Variants in CCDC172 observed in about 807,000 individuals in gnomAD.
The protein encoded by CCDC172 is coiled-coil domain containing 172, also known as coiled-coil domain-containing protein 172.
CCDC172 carries 30 observed loss-of-function variants against 38.0 expected under a neutral mutation model. The ratio of observed to expected loss-of-function variants is 0.79; its 90% confidence interval spans 0.59 to 1.07. The LOEUF (loss-of-function observed/expected upper bound fraction) is 1.07. CCDC172 is among the 50% of genes least tolerant of loss of function. The probability of loss-of-function intolerance (pLI) is 0.00; values close to 1 mark genes in which losing one functional copy is unlikely to be tolerated. For missense variants in CCDC172, 297 were observed against 290.1 expected (o/e 1.02, Z -0.17); for synonymous variants, 78 against 88.3 (o/e 0.88, Z 0.66).
chr10:116,374,211 A>T (rs2134971772), intron 7 of CCDC172, among the ~76,000 whole-genome samples: 1 of 152,244 alleles, frequency 6.6e-6, no homozygotes, highest in African/African-American at 2.4e-5. Flanking sequence ...GATGAGCCCA[A>T]GTCACATGAG....
intron 7 of CCDC172, among the ~76,000 whole-genome samples, chr10:116,365,252 C>T (rs1298737957): frequency 6.6e-6 from 1 of 152,130 alleles, no homozygotes; most frequent in African/African-American, 2.4e-5. Flanking sequence ...TGATTATATG[C>T]TAAATAGGGA....
intron 5 of CCDC172, among the ~76,000 whole-genome samples, chr10:116,356,785 T>C (rs1006419856): frequency 7.2e-5 from 11 of 152,208 alleles, no homozygotes; most frequent in Non-Finnish European, 1.6e-4. Context: ...TCATTTTAAA[T>C]GTGTTTTAAT....
intron 7 of CCDC172, among the ~76,000 whole-genome samples, chr10:116,373,130 A>G (rs1254260166): frequency 1.3e-5 from 2 of 152,172 alleles, no homozygotes; most frequent in African/African-American, 2.4e-5. Flanking sequence ...ATGGTGGCTC[A>G]TACCTATAAT....
At chr10:116,331,975 A>G (rs1844668583) in intron 3 of CCDC172, among the ~76,000 whole-genome samples, 1 of 152,160 alleles carries the variant, frequency 6.6e-6, no homozygotes, top group South Asian at 2.1e-4. Flanking sequence ...TATACACTGC[A>G]TCTCTAGGGC....
chr10:116,332,890 G>A (rs561198607), intron 3 of CCDC172, among the ~76,000 whole-genome samples: 12 of 152,002 alleles, frequency 7.9e-5, no homozygotes, highest in African/African-American at 2.9e-4. Context: ...GGAAAACTTT[G>A]TATCCTTTAC....
intron 7 of CCDC172, among the ~76,000 whole-genome samples, chr10:116,375,126 G>A (rs1845230049): frequency 6.6e-6 from 1 of 152,076 alleles, no homozygotes; most frequent in Non-Finnish European, 1.5e-5. Context: ...ATAGTCTGTA[G>A]TTTTGTGAAT....
At chr10:116,371,860 T>C (rs1278481058) in intron 7 of CCDC172, among the ~76,000 whole-genome samples, 2 of 152,050 alleles carry the variant, frequency 1.3e-5, no homozygotes, top group African/African-American at 4.8e-5. Context: ...CCCCAAAAGA[T>C]AAGAGAGCCA....
At chr10:116,347,859 A>G (rs1345813333) in intron 5 of CCDC172, among the ~76,000 whole-genome samples, 2 of 152,118 alleles carry the variant, frequency 1.3e-5, no homozygotes, top group East Asian at 3.9e-4. Flanking sequence ...CCCTCCCACT[A>G]CATCTCCTTT....
chr10:116,325,156 G>A, intron 2 of CCDC172, 66 bp downstream of exon 2: 1 of 1,563,462 alleles, frequency 6.4e-7, no homozygotes, highest in South Asian at 1.1e-5. Flanking sequence ...TGGAGCAGAA[G>A]GAAATCCCGA....
intron 7 of CCDC172, among the ~76,000 whole-genome samples, chr10:116,365,710 A>G (rs1327105786): frequency 6.6e-6 from 1 of 152,204 alleles, no homozygotes; most frequent in South Asian, 2.1e-4. Flanking sequence ...GAACTTCCAT[A>G]TACATATGTG....
At chr10:116,355,865 T>TG (rs573546775) in intron 5 of CCDC172, among the ~76,000 whole-genome samples, 342 of 152,082 alleles carry the variant, frequency 2.2e-3, no homozygotes, top group Non-Finnish European at 4.0e-3. Flanking sequence ...GTTTCTTTGG[T>TG]GGGGGGAGTG....
chr10:116,356,377 GGGGA>G (rs781639120), intron 5 of CCDC172, among the ~76,000 whole-genome samples: 17 of 131,036 alleles, frequency 1.3e-4, no homozygotes, highest in Middle Eastern at 3.7e-3. Flanking sequence ...AGGAAGAAGA[GGGGA>G]GGGAGGGAGG....
At chr10:116,352,801 G>A (rs866419007) in intron 5 of CCDC172, among the ~76,000 whole-genome samples, 17 of 151,212 alleles carry the variant, frequency 1.1e-4, no homozygotes, top group Non-Finnish European at 1.9e-4. Flanking sequence ...AAAAGAAAAA[G>A]CATCCATATT....
At chr10:116,368,854 G>T (rs1845154958) in intron 7 of CCDC172, among the ~76,000 whole-genome samples, 1 of 151,594 alleles carries the variant, frequency 6.6e-6, no homozygotes, top group Non-Finnish European at 1.5e-5. Flanking sequence ...AAAATGACTG[G>T]GTTTTTCTTC....
intron 7 of CCDC172, among the ~76,000 whole-genome samples, chr10:116,368,445 A>G (rs1185882627): frequency 6.6e-6 from 1 of 151,490 alleles, no homozygotes; most frequent in Non-Finnish European, 1.5e-5. Flanking sequence ...TTCTCCTTTA[A>G]AAAAAAATTC....
chr10:116,350,690 T>G (rs563882923), intron 5 of CCDC172, among the ~76,000 whole-genome samples: 96 of 151,928 alleles, frequency 6.3e-4, no homozygotes, highest in African/African-American at 2.2e-3. Context: ...GACACTTTTC[T>G]TTGCTTGGCA....
chr10:116,374,869 T>C (rs1362654761), intron 7 of CCDC172, among the ~76,000 whole-genome samples: 2 of 151,464 alleles, frequency 1.3e-5, no homozygotes, highest in Non-Finnish European at 2.9e-5. Flanking sequence ...AAACTCACTT[T>C]AAATATAAAG....
chr10:116,340,785 GA>G lies in CCDC172; in HGVS notation c.221del (p.Asn74MetfsTer3), dbSNP rs1844783022. ...CTTCTTACAGCTTTTGAAAGCTCAT[GA>G]AAATGCTTTAGAAAAACAGTACAGT... Reference protein sequence around the residue: ...SFFLQLLKAHENALEKQYSEI... With the variant: ...SFFLQLLKAHXNALEKQYSEI... On this transcript the variant is annotated frameshift_variant, in exon 4 of 9. Transcript: ENST00000333254. LOFTEE classifies it high-confidence loss of function. 6.2e-7 allele frequency: 1 copy of G among 1,606,692 alleles called. No individual in the cohort carries two copies. Among genetic ancestry groups the G allele is most frequent in the Non-Finnish European group, 8.5e-7 (1 of 1,175,660 alleles).
intron 3 of CCDC172, among the ~76,000 whole-genome samples, chr10:116,331,963 C>T (rs1844668305): frequency 6.6e-6 from 1 of 152,142 alleles, no homozygotes; most frequent in African/African-American, 2.4e-5. Context: ...ATATAGCTCA[C>T]TTATACACTG....
Sources: allele counts gnomAD v4.1 joint callset (sites outside exome capture counted in the v4.1 genomes callset), GRCh38; gene constraint gnomAD v4.1.1; transcripts MANE v1.5; gene names NCBI Gene and HGNC (gene_info 2026-07-23, HGNC 2026-07-21).